GALNT10: variants seen among roughly 807,000 people sequenced by gnomAD.
GALNT10 encodes GalNAc transferase 10.
GALNT10 carries 41 observed loss-of-function variants against 75.0 expected under a neutral mutation model. The ratio of observed to expected loss-of-function variants is 0.55; its 90% CI spans 0.43 to 0.71. GALNT10 has a LOEUF of 0.71. Among genes scored for constraint, GALNT10 ranks in the 30% least tolerant of loss-of-function variants. The pLI is 0.00. For synonymous variants in GALNT10, 302 were observed against 313.0 expected (o/e 0.96, Z 0.37); for missense variants, 727 against 818.5 (o/e 0.89, Z 1.36).
At chr5:154,205,278 G>T (rs1466222739) in intron 1 of GALNT10, among the ~76,000 whole-genome samples, 7 of 152,176 alleles carry the variant, frequency 4.6e-5, no homozygotes, top group African/African-American at 1.7e-4. Context: ...CAGTCCACGT[G>T]GCTTCATTGG....
Position 154,376,199 on chromosome 5 carries a change from G to A in GALNT10, c.569-78G>A. ...AGCTGTGTCTAGACTGTGAAGTGCA[G>A]TTCACATGTAAGGGAGGAGTCATAA... On this transcript the variant is annotated intron_variant, in intron 4 of 11. Transcript: ENST00000297107. The surrounding 1 kb of genome is among the most constrained non-coding windows in gnomAD (Gnocchi z 4.1). 1 of 905,270 alleles carries A rather than the reference G, an allele frequency of 1.1e-6. No homozygotes were observed. Among genetic ancestry groups the A allele is most frequent in the Non-Finnish European group, 1.8e-6 (1 of 554,380 alleles). 56.1% of individuals were successfully genotyped at this position (905,270 alleles called of 1,614,324 possible). A position where few individuals can be genotyped will look rare whatever the true frequency, so the allele number is the denominator to read the frequency against.
chr5:154,397,177 T>C (rs1046434258), intron 7 of GALNT10, among the ~76,000 whole-genome samples: 1 of 139,130 alleles, frequency 7.2e-6, no homozygotes, highest in African/African-American at 3.0e-5. Context: ...AAAACTAAAG[T>C]TGTTCTTTTC....
chr5:154,393,536 G>C (rs903262901), intron 7 of GALNT10, among the ~76,000 whole-genome samples: 75 of 152,298 alleles, frequency 4.9e-4, no homozygotes, highest in African/African-American at 1.6e-3. Context: ...ACCAGGAAAA[G>C]TTACAAGAAG....
intron 4 of GALNT10, among the ~76,000 whole-genome samples, chr5:154,333,424 C>T (rs1024053597): frequency 2.0e-5 from 3 of 152,160 alleles, no homozygotes; most frequent in Non-Finnish European, 2.9e-5. Flanking sequence ...ATTACTTTCC[C>T]ATTGTATTAC....
At chr5:154,233,278 G>C (rs964239205) in intron 1 of GALNT10, among the ~76,000 whole-genome samples, 2 of 152,158 alleles carry the variant, frequency 1.3e-5, no homozygotes, top group Admixed American at 1.3e-4. Flanking sequence ...TAGCGGGGTT[G>C]TATCAATGTT....
At chr5:154,292,330 T>C (rs1754206134) in intron 1 of GALNT10, among the ~76,000 whole-genome samples, 1 of 152,196 alleles carries the variant, frequency 6.6e-6, no homozygotes, top group African/African-American at 2.4e-5. Flanking sequence ...GGAATTTGCA[T>C]TTCTGGCAAG....
intron 3 of GALNT10, among the ~76,000 whole-genome samples, chr5:154,309,269 C>T (rs1325584657): frequency 6.6e-6 from 1 of 151,928 alleles, no homozygotes; most frequent in Non-Finnish European, 1.5e-5. Context: ...GCCAGTGTGG[C>T]TGGAGCCTGA....
At position 154,297,920 on chromosome 5, in the gene GALNT10, G is replaced by A. The variant is rs144763979; in HGVS notation, c.263-21G>A. ...TACCCCATACATCATTAGCAACATC[G>A]AATTTGCTCTTTGCTTCTAGGAAAT... On this transcript the variant is annotated intron_variant, in intron 2 of 11. Coordinates refer to ENST00000297107, the MANE Select transcript of GALNT10 (RefSeq NM_198321.4). 1.8e-4 allele frequency: 283 copies of A among 1,608,636 alleles called. 1 individual carries two copies. The African/African-American group carries it at 3.1e-3, about 17-fold the overall frequency.
intron 1 of GALNT10, among the ~76,000 whole-genome samples, chr5:154,233,283 A>G (rs1390854683): frequency 2.6e-5 from 4 of 152,134 alleles, no homozygotes; most frequent in African/African-American, 9.7e-5. Context: ...GGGTTGTATC[A>G]ATGTTAACTT....
chr5:154,253,242 G>C (rs1181315080), intron 1 of GALNT10, among the ~76,000 whole-genome samples: 1 of 151,654 alleles, frequency 6.6e-6, no homozygotes, highest in Non-Finnish European at 1.5e-5. Flanking sequence ...GTCCTTTGTA[G>C]GGACATGGAT....
chr5:154,403,155 T>C (rs1385945664), intron 7 of GALNT10, among the ~76,000 whole-genome samples: 5 of 152,086 alleles, frequency 3.3e-5, no homozygotes, highest in Admixed American at 3.3e-4. Context: ...ATCAAAGTCA[T>C]AAAGTGGGTA....
intron 1 of GALNT10, among the ~76,000 whole-genome samples, chr5:154,266,723 TA>T (rs1272023384): frequency 6.6e-6 from 1 of 151,630 alleles, no homozygotes; most frequent in African/African-American, 2.4e-5. Context: ...AAAATAAAAA[TA>T]AAAAAATATT....
At chr5:154,407,950 C>T (rs559747100) in intron 8 of GALNT10, among the ~76,000 whole-genome samples, 18 of 152,284 alleles carry the variant, frequency 1.2e-4, no homozygotes, top group African/African-American at 4.3e-4. Context: ...ATGTTGGCTT[C>T]CTTCTCCATT....
intron 4 of GALNT10, among the ~76,000 whole-genome samples, chr5:154,335,365 C>T (rs1231472066): frequency 2.6e-5 from 4 of 152,132 alleles, no homozygotes; most frequent in Non-Finnish European, 2.9e-5. Context: ...CCATGAAATA[C>T]GTGCTACCTG....
At chr5:154,346,154 G>GTGTGTT (rs1755121772) in intron 4 of GALNT10, among the ~76,000 whole-genome samples, 1 of 151,410 alleles carries the variant, frequency 6.6e-6, no homozygotes, top group African/African-American at 2.4e-5. Context: ...GTGTGTGTGT[G>GTGTGTT]TGTGTGTGAG....
chr5:154,312,367 C>G lies in GALNT10; in HGVS notation c.401+14288C>G, dbSNP rs116736470. ...AGTCCCTCTCCCCTCTCTATCCCCC[C>G]ACTTTACGCTCCAATCCTAAGTCTG... On this transcript the variant is annotated intron_variant, in intron 3 of 11. Transcript: ENST00000297107. 6.0e-4 allele frequency among the ~76,000 whole-genome samples: 92 copies of G among 152,302 alleles called. 1 individual carries two copies. In the East Asian group the frequency reaches 0.012, roughly 20 times the overall value.
chr5:154,397,536 A>G (rs951777021), intron 7 of GALNT10, among the ~76,000 whole-genome samples: 1 of 152,172 alleles, frequency 6.6e-6, no homozygotes, highest in African/African-American at 2.4e-5. Context: ...TCAGACTTAT[A>G]AAACTTGCTT....
At chr5:154,369,771 G>A (rs1412725144) in intron 4 of GALNT10, among the ~76,000 whole-genome samples, 4 of 152,228 alleles carry the variant, frequency 2.6e-5, no homozygotes, top group African/African-American at 7.2e-5. Flanking sequence ...GCCTCTGCAA[G>A]GTTAGCAGCA....
Position 154,409,459 on chromosome 5 carries a change from A to G in GALNT10, c.1165-82A>G. 1.1e-6 allele frequency: 1 copy of G among 896,198 alleles called. No individual in the cohort carries two copies. Among genetic ancestry groups the G allele is most frequent in the East Asian group, 2.4e-5 (1 of 41,584 alleles). 55.5% of individuals were successfully genotyped at this position (896,198 alleles called of 1,614,324 possible). ...CATAAAATAAGAAGGGTTGACCTCG[A>G]CCTGCCAGGACCCTTTTCACCCCAC... is the stretch of plus-strand genomic sequence containing the variant. On this transcript the variant is annotated intron_variant, in intron 8 of 11. Coordinates refer to ENST00000297107, the MANE Select transcript of GALNT10 (RefSeq NM_198321.4). The surrounding 1 kb of genome is among the most constrained non-coding windows in gnomAD (Gnocchi z 4.5).
Sources: allele counts gnomAD v4.1 joint callset (sites outside exome capture counted in the v4.1 genomes callset), GRCh38; gene constraint gnomAD v4.1.1; non-coding constraint Gnocchi (gnomAD v3.1); transcripts MANE v1.5; gene names NCBI Gene and HGNC (gene_info 2026-07-23, HGNC 2026-07-21).